COL10A1: variants seen among roughly 807,000 people sequenced by gnomAD.
COL10A1 encodes collagen alpha-1(X) chain.
In COL10A1, 10 loss-of-function variants were observed where a neutral mutation model predicts 18.2. The ratio of observed to expected loss-of-function variants is 0.55; its 90% CI spans 0.34 to 0.93. The LOEUF is 0.93. Ranked by LOEUF, COL10A1 falls within the 40% of genes least tolerant of loss-of-function variation. COL10A1 has a pLI of 0.02. For synonymous variants in COL10A1, 330 were observed against 316.6 expected (o/e 1.04, Z -0.45); for missense variants, 897 against 853.5 (o/e 1.05, Z -0.64).
chr6:116,143,281 G>T (rs753249886), intron 1 of COL10A1, among the ~76,000 whole-genome samples: 3 of 152,054 alleles, frequency 2.0e-5, no homozygotes, highest in Non-Finnish European at 2.9e-5. Flanking sequence ...CGCGATTTTG[G>T]CTCATTGCAA....
upstream of COL10A1, among the ~76,000 whole-genome samples, chr6:116,162,962 C>T (rs1216108585): frequency 6.6e-6 from 1 of 151,586 alleles, no homozygotes. Flanking sequence ...CCCGTCTCTA[C>T]TAAATATACA....
In COL10A1 at chr6:116,120,850, G is replaced by T; in HGVS notation, c.1266C>A (p.Gly422=). ...CCTTTGCTCCTGCTGGGCCCACAGGGCCTGGGAGACCAGGAGGTCCTCCAA... is the reference window on the plus strand; with the variant it reads ...CCTTTGCTCCTGCTGGGCCCACAGGTCCTGGGAGACCAGGAGGTCCTCCAA... The part of the protein sequence containing the change: ...PGVGGPPGLP[G]PVGPAGAKGM... The change falls in exon 3 of 3, where the codon GGC becomes GGA. Residue 422 remains glycine, a synonymous_variant. Coordinates refer to ENST00000651968, the MANE Select transcript of COL10A1 (RefSeq NM_000493.4). 6.2e-7 allele frequency: 1 copy of T among 1,613,992 alleles called. No homozygotes were observed. Among genetic ancestry groups the T allele is most frequent in the Non-Finnish European group, 8.5e-7 (1 of 1,179,954 alleles).
the COL10A1 span, among the ~76,000 whole-genome samples, chr6:116,182,954 C>T: frequency 1.8e-4 from 27 of 152,168 alleles, no homozygotes; most frequent in African/African-American, 5.1e-4. Context: ...TTGCCTAAAC[C>T]AGTGTCTAGA....
intron 1 of COL10A1, among the ~76,000 whole-genome samples, chr6:116,148,714 TTCTC>T (rs768895908): frequency 8.5e-5 from 13 of 152,310 alleles, no homozygotes; most frequent in East Asian, 1.9e-4. Context: ...TTTTTTGTCT[TTCTC>T]TATGAGAGAT....
chr6:116,189,349 C>A, the COL10A1 span, among the ~76,000 whole-genome samples: 3 of 151,878 alleles, frequency 2.0e-5, no homozygotes, highest in Non-Finnish European at 4.4e-5. Flanking sequence ...TTGAGACTTA[C>A]ATATAGTTCC....
At chr6:116,188,631 T>A in the COL10A1 span, among the ~76,000 whole-genome samples, 1 of 151,694 alleles carries the variant, frequency 6.6e-6, no homozygotes, top group Admixed American at 6.6e-5. Flanking sequence ...AGTAAGGATG[T>A]ACCATAGATA....
At chr6:116,159,951 C>T (rs1286260596), upstream of COL10A1, among the ~76,000 whole-genome samples, 1 of 152,136 alleles carries the variant, frequency 6.6e-6, no homozygotes, top group Admixed American at 6.6e-5. Flanking sequence ...AATTTCATTA[C>T]TTTTTATGGC....
upstream of COL10A1, among the ~76,000 whole-genome samples, chr6:116,159,139 A>G (rs1240805860): frequency 1.3e-5 from 2 of 152,176 alleles, no homozygotes; most frequent in African/African-American, 4.8e-5. Flanking sequence ...TTCTTATGCC[A>G]TTGCTCTGGG....
chr6:116,167,651 G>A, the COL10A1 span, among the ~76,000 whole-genome samples: 19 of 151,884 alleles, frequency 1.3e-4, no homozygotes, highest in East Asian at 1.9e-4. Flanking sequence ...TCTACCCTTC[G>A]TTAGTTTTTA....
chr6:116,208,593 GATCATGTC>G, the COL10A1 span, among the ~76,000 whole-genome samples: 2 of 151,950 alleles, frequency 1.3e-5, no homozygotes, highest in African/African-American at 2.4e-5. Context: ...AGTTCTTTCT[GATCATGTC>G]ATCATGTCAT....
chr6:116,136,315 T>C (rs1779599894), intron 1 of COL10A1, among the ~76,000 whole-genome samples: 2 of 152,300 alleles, frequency 1.3e-5, no homozygotes, highest in South Asian at 4.1e-4. Flanking sequence ...TGTGTATGTA[T>C]GTAATATGCA....
chr6:116,180,325 G>A, the COL10A1 span, among the ~76,000 whole-genome samples: 9 of 152,004 alleles, frequency 5.9e-5, no homozygotes, highest in East Asian at 7.7e-4. Flanking sequence ...AAATTCTAAC[G>A]CAAGGTAACT....
chr6:116,207,695 C>T, the COL10A1 span, among the ~76,000 whole-genome samples: 1 of 151,802 alleles, frequency 6.6e-6, no homozygotes, highest in African/African-American at 2.4e-5. Context: ...GTTAAAAGCC[C>T]TGCTTAGAGT....
At chr6:116,125,099 A>C (rs1394043502) in intron 2 of COL10A1, among the ~76,000 whole-genome samples, 1 of 152,248 alleles carries the variant, frequency 6.6e-6, no homozygotes, top group Non-Finnish European at 1.5e-5. Context: ...TGTACACACA[A>C]AAGTTCTGAT....
intron 1 of COL10A1, among the ~76,000 whole-genome samples, chr6:116,133,234 C>G (rs1582823786): frequency 6.6e-6 from 1 of 152,180 alleles, no homozygotes; most frequent in Admixed American, 6.5e-5. Context: ...CTAAGATCTT[C>G]AGGGATCTTG....
the COL10A1 span, among the ~76,000 whole-genome samples, chr6:116,214,972 C>G: frequency 1.3e-5 from 2 of 152,042 alleles, no homozygotes; most frequent in Non-Finnish European, 2.9e-5. Context: ...CCAGAGGTCT[C>G]TAGGGTGGGG....
At chr6:116,168,082 T>A in the COL10A1 span, among the ~76,000 whole-genome samples, 2 of 136,698 alleles carry the variant, frequency 1.5e-5, no homozygotes, top group Non-Finnish European at 3.2e-5. Context: ...GTACCTGGTG[T>A]CTTTTTTTTT....
At chr6:116,139,081 ATTC>A (rs1043204735) in intron 1 of COL10A1, among the ~76,000 whole-genome samples, 5 of 152,304 alleles carry the variant, frequency 3.3e-5, no homozygotes, top group African/African-American at 1.2e-4. Context: ...AAAAAGATGT[ATTC>A]TTATGATTTA....
At chr6:116,201,509 C>T in the COL10A1 span, among the ~76,000 whole-genome samples, 3 of 151,924 alleles carry the variant, frequency 2.0e-5, no homozygotes, top group African/African-American at 4.8e-5. Context: ...GGGACTGCCT[C>T]GGTAATGCTT....
Sources: allele counts gnomAD v4.1 joint callset (sites outside exome capture counted in the v4.1 genomes callset), GRCh38; gene constraint gnomAD v4.1.1; transcripts MANE v1.5; gene names NCBI Gene and HGNC (gene_info 2026-07-23, HGNC 2026-07-21).